The following CLEC16A variants were observed in gnomAD, a reference collection of about 807,000 sequenced individuals.
The protein encoded by CLEC16A is C-type lectin domain containing 16A, also known as protein CLEC16A.
A neutral mutation model predicts 109.5 loss-of-function variants in CLEC16A; 51 were observed. The observed-to-expected ratio is 0.47, with a 90% CI of 0.37 to 0.59. CLEC16A has a LOEUF of 0.59. Among genes scored for constraint, CLEC16A ranks in the 20% least tolerant of loss-of-function variants. The pLI, the probability that CLEC16A is intolerant of heterozygous loss-of-function variation, is 0.00. For missense variants in CLEC16A, 1,339 were observed against 1,394.0 expected (o/e 0.96, Z 0.63); for synonymous variants, 673 against 564.2 (o/e 1.19, Z -2.73).
At chr16:11,038,717 T>C (rs1384375316) in intron 13 of CLEC16A, among the ~76,000 whole-genome samples, 1 of 152,208 alleles carries the variant, frequency 6.6e-6, no homozygotes, top group Non-Finnish European at 1.5e-5. Flanking sequence ...TGCCTCTTAA[T>C]GATAGATCTC....
intron 11 of CLEC16A, among the ~76,000 whole-genome samples, chr16:11,013,682 C>T (rs944191419): frequency 1.3e-5 from 2 of 152,098 alleles, no homozygotes; most frequent in African/African-American, 4.8e-5. Flanking sequence ...TCCCGTTAGA[C>T]TGGGAGGCAG....
chr16:11,123,896 T>C lies in CLEC16A; in HGVS notation c.2423T>C (p.Leu808Pro). 1 of 1,613,880 alleles carries C rather than the reference T, an allele frequency of 6.2e-7. No homozygotes were observed. The highest frequency in any genetic ancestry group is 2.2e-5 in the East Asian group (1 of 44,886). ...CGCTGCATCATCGCCAAGCAGCGCC[T>C]GGCCAAAGGCCGCATCCAGGCAAGG... ...HIRCIIAKQR[L>P]AKGRIQARRM... Residue 808 changes from leucine to proline, a missense_variant, in exon 21 of 24, where the codon CTG becomes CCG. Leu to Pro is a moderately conservative substitution (Grantham distance 98, BLOSUM62 -3). Coordinates refer to ENST00000409790, the MANE Select transcript of CLEC16A (RefSeq NM_015226.3).
chr16:11,047,364 A>G, intron 17 of CLEC16A, 22 bp downstream of exon 17: 1 of 1,594,846 alleles, frequency 6.3e-7, no homozygotes, highest in Non-Finnish European at 8.5e-7. Flanking sequence ...GCTGGGACAC[A>G]CTTGGGCTGG....
At chr16:10,983,868 A>C (rs1345566313) in intron 10 of CLEC16A, among the ~76,000 whole-genome samples, 1 of 151,120 alleles carries the variant, frequency 6.6e-6, no homozygotes, top group African/African-American at 2.4e-5. Context: ...TACCCACTCT[A>C]AGCTCCTTAT....
At chr16:11,159,705 C>T (rs917906195) in intron 22 of CLEC16A, among the ~76,000 whole-genome samples, 5 of 152,184 alleles carry the variant, frequency 3.3e-5, no homozygotes, top group African/African-American at 1.2e-4. Flanking sequence ...ATTGGTGTGT[C>T]GTGTAGATCG....
chr16:10,979,510 A>G (rs1204560726), intron 9 of CLEC16A, 128 bp downstream of exon 9: 1 of 772,346 alleles, frequency 1.3e-6, no homozygotes, highest in East Asian at 2.7e-5. Context: ...GTAAAATAAC[A>G]GCAAAACAGA....
chr16:11,088,217 C>T (rs2050116206), intron 19 of CLEC16A, among the ~76,000 whole-genome samples: 1 of 152,220 alleles, frequency 6.6e-6, no homozygotes, highest in African/African-American at 2.4e-5. Flanking sequence ...AATCCTCCTG[C>T]ACTTCTGCAG....
At chr16:11,162,415 CCAT>C (rs2054755941) in intron 22 of CLEC16A, among the ~76,000 whole-genome samples, 1 of 152,222 alleles carries the variant, frequency 6.6e-6, no homozygotes, top group Non-Finnish European at 1.5e-5. Context: ...TGTGTTCCCT[CCAT>C]CATCCTCCCT....
intron 22 of CLEC16A, among the ~76,000 whole-genome samples, chr16:11,165,737 C>T (rs1275120220): frequency 1.3e-5 from 2 of 152,136 alleles, no homozygotes; most frequent in African/African-American, 4.8e-5. Context: ...CGTTCATCCC[C>T]GCTGGGTCAG....
At chr16:11,079,718 A>C (rs1296286876) in intron 19 of CLEC16A, among the ~76,000 whole-genome samples, 2 of 152,216 alleles carry the variant, frequency 1.3e-5, no homozygotes, top group East Asian at 3.8e-4. Flanking sequence ...ATGTCATTTA[A>C]ATGACTCCGG....
At chr16:11,066,271 G>A (rs1023293987) in intron 19 of CLEC16A, among the ~76,000 whole-genome samples, 2 of 152,126 alleles carry the variant, frequency 1.3e-5, no homozygotes. Flanking sequence ...AGGGACCAGG[G>A]GTCAGTGCTA....
At chr16:11,089,449 A>G (rs1343606191) in intron 19 of CLEC16A, among the ~76,000 whole-genome samples, 1 of 152,090 alleles carries the variant, frequency 6.6e-6, no homozygotes, top group African/African-American at 2.4e-5. Context: ...CCTTTTAGCA[A>G]CTCAGTTCAC....
intron 2 of CLEC16A, 22 bp from the exon 3 acceptor site, chr16:10,962,433 T>C (rs201774170): frequency 6.2e-7 from 1 of 1,613,656 alleles, no homozygotes; most frequent in African/African-American, 1.3e-5. Context: ...AAGCCACTGA[T>C]GCTTTTCCAT....
At chr16:11,154,273 C>A (rs1023851346) in intron 22 of CLEC16A, among the ~76,000 whole-genome samples, 9 of 152,174 alleles carry the variant, frequency 5.9e-5, no homozygotes, top group African/African-American at 2.2e-4. Context: ...TTCTGTAGGT[C>A]AAGTTAGTTG....
In CLEC16A at chr16:11,079,196, G is replaced by T. The variant is rs115709121; in HGVS notation, c.2116+18174G>T. 1.5e-3 allele frequency among the ~76,000 whole-genome samples: 227 copies of T among 152,324 alleles called. 2 individuals are homozygous for T. Among genetic ancestry groups the T allele is most frequent in the African/African-American group, 5.4e-3 (223 of 41,568 alleles). ...CTTGCAGAACTTGAAACTCCCTGCA[G>T]CACTGAAACTCCAGCCATCCCTATC... On this transcript the variant is annotated intron_variant, in intron 19 of 23. Coordinates refer to ENST00000409790, the MANE Select transcript of CLEC16A (RefSeq NM_015226.3).
chr16:11,144,851 A>G (rs2053987011), intron 22 of CLEC16A, among the ~76,000 whole-genome samples: 1 of 152,104 alleles, frequency 6.6e-6, no homozygotes, highest in Non-Finnish European at 1.5e-5. Context: ...CCAATTCCAC[A>G]AAGCTTGTCA....
At chr16:11,149,167 C>G (rs1357737629) in intron 22 of CLEC16A, among the ~76,000 whole-genome samples, 1 of 152,174 alleles carries the variant, frequency 6.6e-6, no homozygotes, top group African/African-American at 2.4e-5. Context: ...TGTCGGAGCA[C>G]AAGTCACCAG....
At chr16:11,095,080 A>C (rs2050527685) in intron 19 of CLEC16A, among the ~76,000 whole-genome samples, 1 of 136,058 alleles carries the variant, frequency 7.3e-6, no homozygotes, top group Non-Finnish European at 1.6e-5. Context: ...AACAGTTGCT[A>C]ATCTTTTTTT....
At chr16:11,131,063 G>T (rs1438501681) in intron 22 of CLEC16A, among the ~76,000 whole-genome samples, 2 of 152,096 alleles carry the variant, frequency 1.3e-5, no homozygotes, top group East Asian at 1.9e-4. Context: ...TTATTGGCTG[G>T]TTTTATGTTG....
Sources: allele counts gnomAD v4.1 joint callset (sites outside exome capture counted in the v4.1 genomes callset), GRCh38; gene constraint gnomAD v4.1.1; transcripts MANE v1.5; gene names NCBI Gene and HGNC (gene_info 2026-07-23, HGNC 2026-07-21).